The following ATP2B1 variants were observed in gnomAD, a reference collection of about 807,000 sequenced individuals.
The protein encoded by ATP2B1 is ATPase plasma membrane Ca2+ transporting 1.
ATP2B1 carries 14 observed loss-of-function variants against 124.2 expected under a neutral mutation model. That is an observed-to-expected ratio of 0.11 (90% CI 0.07 to 0.18). The LOEUF (loss-of-function observed/expected upper bound fraction) is 0.18. Among genes scored for constraint, ATP2B1 ranks in the 10% least tolerant of loss-of-function variants. The pLI is 1.00. For missense variants in ATP2B1, 763 were observed against 1,466.1 expected (o/e 0.52, Z 7.83); for synonymous variants, 449 against 492.4 (o/e 0.91, Z 1.17).
chr12:89,658,637 GAGAGAGAGAGAT>G (rs1276108101), intron 1 of ATP2B1, among the ~76,000 whole-genome samples: 7 of 151,220 alleles, frequency 4.6e-5, no homozygotes, highest in African/African-American at 1.7e-4. Context: ...GAGAGAGAGA[GAGAGAGAGAGAT>G]AGAGATAGCA....
intron 1 of ATP2B1, among the ~76,000 whole-genome samples, chr12:89,695,098 A>G (rs922377217): frequency 3.3e-5 from 5 of 151,774 alleles, no homozygotes; most frequent in Non-Finnish European, 7.4e-5. Flanking sequence ...ATAGGATACA[A>G]TGGTAGCAAA....
Position 89,616,755 on chromosome 12 carries a change from T to C in ATP2B1, c.2067+47A>G, listed in dbSNP as rs527951921. 1.8e-5 allele frequency: 28 copies of C among 1,556,088 alleles called. No individual in the cohort carries two copies. The South Asian group carries it at 3.0e-4, about 17-fold the overall frequency. ...GGTTACAATTAAGGCCTAGGTCCTC[T>C]ATAGTTATGAGATTCTGCACATGCA... is the stretch of plus-strand genomic sequence containing the variant. On this transcript the variant is annotated intron_variant, in intron 12 of 20. Transcript: ENST00000428670.
At chr12:89,593,545 A>T (rs1873996302) in intron 20 of ATP2B1, 1 of 151,990 alleles carries the variant, frequency 6.6e-6, no homozygotes, top group Non-Finnish European at 1.5e-5. Context: ...AATCGGGGGG[A>T]AATAAATGTA....
intron 12 of ATP2B1, among the ~76,000 whole-genome samples, chr12:89,612,843 C>T (rs186771814): frequency 6.6e-6 from 1 of 152,298 alleles, no homozygotes; most frequent in East Asian, 1.9e-4. Flanking sequence ...TTTGCATCAC[C>T]AACACCTAGT....
chr12:89,635,067 G>C lies in ATP2B1; in HGVS notation c.591C>G (p.Ile197Met). ...RIEQEQKFTV[I>M]RGGQVIQIPV... ...GTATCTGAATGACCTGACCACCCCT[G>C]ATGACAGTGAACTTCTGTTCTTGTT... Residue 197 changes from isoleucine (I) to methionine (M), a missense_variant, in exon 4 of 21, where the codon ATC (isoleucine) becomes ATG (methionine). By Grantham distance (10) the Ile-to-Met change is conservative. This residue lies in a region of ATP2B1 where 392 missense variants were observed against 776.6 expected (regional missense o/e 0.50). Transcript: ENST00000428670. 6.2e-7 allele frequency: 1 copy of C among 1,613,922 alleles called. No homozygotes were observed. The highest frequency in any genetic ancestry group is 1.3e-5 in the African/African-American group (1 of 75,024).
chr12:89,682,206 G>A (rs1423366262), intron 1 of ATP2B1, among the ~76,000 whole-genome samples: 1 of 152,008 alleles, frequency 6.6e-6, no homozygotes, highest in Admixed American at 6.6e-5. Flanking sequence ...AAAGAAAACT[G>A]TAAAAACACC....
In ATP2B1 at chr12:89,604,341, A is replaced by G; in HGVS notation, c.2448T>C (p.Ile816=). The G allele has an allele frequency of 6.3e-7, 1 of 1,583,694 alleles. No individual in the cohort carries two copies. Among genetic ancestry groups the G allele is most frequent in the Non-Finnish European group, 8.6e-7 (1 of 1,168,716 alleles). The change falls in exon 16 of 21, where the codon ATT becomes ATC. Residue 816 remains isoleucine, a synonymous_variant. Coordinates refer to ENST00000428670, the MANE Select transcript of ATP2B1 (RefSeq NM_001366521.1). Reference sequence around the variant, plus strand: ...CTTCTTTAGCTACATCAGTTCCAGCAATACCCTGTTAAAAAAAATTTTGTG... The same window carrying G: ...CTTCTTTAGCTACATCAGTTCCAGCGATACCCTGTTAAAAAAAATTTTGTG... The part of the protein sequence containing the change: ...KKADVGFAMG[I]AGTDVAKEAS...
At chr12:89,684,066 A>G (rs1325239603) in intron 1 of ATP2B1, among the ~76,000 whole-genome samples, 1 of 152,052 alleles carries the variant, frequency 6.6e-6, no homozygotes. Context: ...ATTAGGGGGG[A>G]AAAAAAGCAA....
intron 18 of ATP2B1, among the ~76,000 whole-genome samples, chr12:89,601,947 C>T (rs970244452): frequency 1.3e-5 from 2 of 152,086 alleles, no homozygotes; most frequent in Non-Finnish European, 2.9e-5. Flanking sequence ...CTAAGATAAA[C>T]ACAGACTATA....
At chr12:89,629,217 T>C (rs1452946112) in intron 6 of ATP2B1, among the ~76,000 whole-genome samples, 2 of 152,168 alleles carry the variant, frequency 1.3e-5, no homozygotes, top group African/African-American at 4.8e-5. Flanking sequence ...GGTAGACTCT[T>C]GAGCCAGAGA....
chr12:89,705,174 T>G (rs1201761402), intron 1 of ATP2B1, among the ~76,000 whole-genome samples: 3 of 152,138 alleles, frequency 2.0e-5, no homozygotes, highest in Non-Finnish European at 4.4e-5. Context: ...AAAAAGTGAA[T>G]TTTTTAAAGT....
rs11105363 is a variant in ATP2B1, at chr12:89,671,696, C to A, written c.-221-15589G>T. ...TCACTAAGCAACCTCCTAATTATAA[C>A]GTGGTTTCCCATGTGGTAAATCTAC... On this transcript the variant is annotated intron_variant, in intron 1 of 20. Transcript: ENST00000428670. 8.1e-3 allele frequency among the ~76,000 whole-genome samples: 1,232 copies of A among 151,796 alleles called. 16 individuals are homozygous for A. Among genetic ancestry groups the A allele is most frequent in the African/African-American group, 0.028 (1,179 of 41,392 alleles).
chr12:89,674,067 T>C (rs1888322156), intron 1 of ATP2B1, among the ~76,000 whole-genome samples: 1 of 152,192 alleles, frequency 6.6e-6, no homozygotes, highest in Admixed American at 6.5e-5. Context: ...CAGGTATTCA[T>C]ATAGTATTTC....
In ATP2B1 at chr12:89,641,200, T is replaced by A. The variant is rs1006641584; in HGVS notation, c.406+958A>T. On this transcript the variant is annotated intron_variant, in intron 3 of 20. Transcript: ENST00000428670. The stretch of plus-strand genomic sequence containing the variant: ...CAGAATCTACCAGCAGAACTATTAA[T>A]TTTAAACAAATTTTTTAAAAGGCAG... Among the ~76,000 whole-genome samples the A allele has an allele frequency of 7.9e-5, 12 of 152,276 alleles. No homozygotes were observed. In the South Asian group the frequency reaches 2.5e-3, roughly 32 times the overall value.
rs533768356 is a variant in ATP2B1, at chr12:89,694,005, C to T, written c.-222+14591G>A. Among the ~76,000 whole-genome samples, 6 of 152,200 alleles carry T rather than the reference C, an allele frequency of 3.9e-5. No homozygotes were observed. The South Asian group carries it at 6.2e-4, about 16-fold the overall frequency. On this transcript the variant is annotated intron_variant, in intron 1 of 20. Transcript: ENST00000428670. ...CCCATTCCAGTAGCATTCCAGATAGCGATTAGTCCACTAAGTTACATTCCA... is the reference window on the plus strand; with the variant it reads ...CCCATTCCAGTAGCATTCCAGATAGTGATTAGTCCACTAAGTTACATTCCA...
chr12:89,591,197 A>G lies in ATP2B1; in HGVS notation c.3450T>C (p.Phe1150=), dbSNP rs751758239. ...TATGAGGCTCTGAATCTTCTATCCT[A>G]AACTCAGGATGTGTCATAAAGTTGT... ...SIHNFMTHPE[F]RIEDSEPHIP... The change falls in exon 21 of 21, where the codon TTT becomes TTC. Residue 1150 remains phenylalanine (F), a synonymous_variant. Coordinates refer to ENST00000428670, the MANE Select transcript of ATP2B1 (RefSeq NM_001366521.1). 2.8e-5 allele frequency: 45 copies of G among 1,613,164 alleles called. No homozygotes were observed. Among genetic ancestry groups the G allele is most frequent in the Non-Finnish European group, 3.4e-5 (40 of 1,179,408 alleles).
intron 2 of ATP2B1, among the ~76,000 whole-genome samples, chr12:89,654,906 C>A (rs1224789991): frequency 2.6e-5 from 4 of 152,242 alleles, no homozygotes; most frequent in African/African-American, 9.6e-5. Context: ...CCCTTCCCAT[C>A]CCTGCCTTTA....
At chr12:89,619,420 T>C (rs1224292224) in intron 11 of ATP2B1, among the ~76,000 whole-genome samples, 2 of 152,066 alleles carry the variant, frequency 1.3e-5, no homozygotes, top group African/African-American at 4.8e-5. Flanking sequence ...AAGACCAGCC[T>C]GGCCAACATG....
intron 1 of ATP2B1, among the ~76,000 whole-genome samples, chr12:89,688,049 T>A (rs1890159286): frequency 6.6e-6 from 1 of 152,036 alleles, no homozygotes; most frequent in Non-Finnish European, 1.5e-5. Context: ...AAGACCACAG[T>A]GCTGACAAAT....
Sources: gnomAD v4.1 joint callset for allele counts (sites outside exome capture counted in the v4.1 genomes callset) on GRCh38, gnomAD v4.1.1 for gene constraint, gnomAD v4.1.1 regional missense constraint, MANE v1.5 for transcripts, NCBI Gene and HGNC (gene_info 2026-07-23, HGNC 2026-07-21) for gene names.